TMEM178B: variants seen among roughly 807,000 people sequenced by gnomAD.
The protein encoded by TMEM178B is transmembrane protein 178B.
In TMEM178B, 5 loss-of-function variants were observed where a neutral mutation model predicts 31.0. That is an observed-to-expected ratio of 0.16 (90% CI 0.08 to 0.34). The LOEUF (loss-of-function observed/expected upper bound fraction) is 0.34. Ranked by LOEUF, TMEM178B falls within the 10% of genes least tolerant of loss-of-function variation. The probability of loss-of-function intolerance (pLI) is 1.00; values close to 1 mark genes in which losing one functional copy is unlikely to be tolerated. For synonymous variants in TMEM178B, 164 were observed against 164.0 expected (o/e 1.00, Z 0.00); for missense variants, 275 against 400.3 (o/e 0.69, Z 2.67).
chr7:141,135,995 T>C (rs1487578791), intron 1 of TMEM178B, among the ~76,000 whole-genome samples: 1 of 151,796 alleles, frequency 6.6e-6, no homozygotes, highest in Non-Finnish European at 1.5e-5. Flanking sequence ...AGAAGACCCA[T>C]ATAAATAAAA....
chr7:141,480,755 G>A (rs1802461579), downstream of TMEM178B, among the ~76,000 whole-genome samples: 1 of 152,186 alleles, frequency 6.6e-6, no homozygotes, highest in Non-Finnish European at 1.5e-5. Context: ...TCCCAGTGAA[G>A]AGAGAAATTT....
the TMEM178B span, among the ~76,000 whole-genome samples, chr7:141,501,001 T>C: frequency 1.4e-3 from 214 of 152,330 alleles, no homozygotes; most frequent in Non-Finnish European, 2.7e-3. Context: ...ATGTATTTTA[T>C]CCGTGTTGAA....
At chr7:141,301,037 ACTGC>A (rs1798715980) in intron 2 of TMEM178B, among the ~76,000 whole-genome samples, 1 of 152,082 alleles carries the variant, frequency 6.6e-6, no homozygotes, top group Non-Finnish European at 1.5e-5. Context: ...GTACTTCCCA[ACTGC>A]AGAGGAACAC....
intron 2 of TMEM178B, among the ~76,000 whole-genome samples, chr7:141,397,695 T>A (rs929512030): frequency 1.3e-5 from 2 of 152,194 alleles, no homozygotes; most frequent in African/African-American, 4.8e-5. Context: ...TGCCCCTGAT[T>A]TTCTCACCCC....
chr7:141,313,788 C>T (rs1188810753), intron 2 of TMEM178B, among the ~76,000 whole-genome samples: 1 of 151,388 alleles, frequency 6.6e-6, no homozygotes, highest in Non-Finnish European at 1.5e-5. Flanking sequence ...TAAAAAAATT[C>T]TGCATTTGCA....
chr7:141,238,241 C>G (rs914554712), intron 2 of TMEM178B, among the ~76,000 whole-genome samples: 3 of 151,954 alleles, frequency 2.0e-5, no homozygotes, highest in Non-Finnish European at 4.4e-5. Context: ...TACCCTGAAG[C>G]CCAGGAGTTA....
At position 141,437,726 on chromosome 7, in the gene TMEM178B, G is replaced by C. The variant is rs757569092; in HGVS notation, c.615G>C (p.Gly205=). The stretch of plus-strand genomic sequence containing the variant: ...GAGGCCTTATGCAGTACGTGGCAGG[G>C]CTGCTCTTCCTCATGGGAGGTAAGG... ...WDRGLMQYVA[G]LLFLMGGTFC... The change falls in exon 3 of 4, where the codon GGG becomes GGC. Residue 205 remains glycine, a synonymous_variant. Transcript: ENST00000565468. 1.0e-5 allele frequency: 16 copies of C among 1,536,106 alleles called. No homozygotes were observed. The highest frequency in any genetic ancestry group is 1.4e-5 in the Non-Finnish European group (16 of 1,146,912).
chr7:141,213,703 A>G (rs576498086), intron 2 of TMEM178B, among the ~76,000 whole-genome samples: 90 of 152,348 alleles, frequency 5.9e-4, no homozygotes, highest in African/African-American at 2.1e-3. Context: ...TAGGCCCACC[A>G]GGTGTATTCT....
intron 1 of TMEM178B, among the ~76,000 whole-genome samples, chr7:141,113,452 C>G (rs1001311473): frequency 1.3e-5 from 2 of 152,210 alleles, no homozygotes; most frequent in African/African-American, 4.8e-5. Flanking sequence ...CAGGTGAGGG[C>G]ATTGCACAGC....
At chr7:141,400,705 G>A (rs564281313) in intron 2 of TMEM178B, among the ~76,000 whole-genome samples, 6 of 152,330 alleles carry the variant, frequency 3.9e-5, no homozygotes, top group South Asian at 4.1e-4. Flanking sequence ...CCTGCTCTTC[G>A]TGGGTTGTAG....
At chr7:141,281,159 G>GT (rs1021735175) in intron 2 of TMEM178B, among the ~76,000 whole-genome samples, 5 of 152,078 alleles carry the variant, frequency 3.3e-5, no homozygotes, top group African/African-American at 1.2e-4. Flanking sequence ...CCAGCTATTA[G>GT]TATTAGTTTA....
At chr7:141,396,597 A>G (rs1169049247) in intron 2 of TMEM178B, among the ~76,000 whole-genome samples, 2 of 152,192 alleles carry the variant, frequency 1.3e-5, no homozygotes, top group African/African-American at 2.4e-5. Context: ...TGGGCTGACC[A>G]CTGCCTTTCT....
At chr7:141,197,674 C>T (rs1422488185) in intron 1 of TMEM178B, among the ~76,000 whole-genome samples, 1 of 152,034 alleles carries the variant, frequency 6.6e-6, no homozygotes, top group Admixed American at 6.6e-5. Context: ...ACTGTCTTGC[C>T]TAGGCTGGAG....
At chr7:141,262,752 G>C (rs927354835) in intron 2 of TMEM178B, among the ~76,000 whole-genome samples, 1 of 151,984 alleles carries the variant, frequency 6.6e-6, no homozygotes, top group African/African-American at 2.4e-5. Flanking sequence ...CAAATATTAG[G>C]CGTAAGTGAC....
intron 2 of TMEM178B, among the ~76,000 whole-genome samples, chr7:141,231,513 C>A (rs556603702): frequency 6.6e-6 from 1 of 152,252 alleles, no homozygotes; most frequent in African/African-American, 2.4e-5. Context: ...AAAATAATTC[C>A]GCACCCAGTG....
At chr7:141,327,149 T>G (rs924793096) in intron 2 of TMEM178B, among the ~76,000 whole-genome samples, 1 of 152,186 alleles carries the variant, frequency 6.6e-6, no homozygotes, top group Non-Finnish European at 1.5e-5. Flanking sequence ...CTTTTACTAT[T>G]CCTAAATTGG....
chr7:141,168,840 T>C (rs10271398), intron 1 of TMEM178B, among the ~76,000 whole-genome samples: 10,755 of 152,280 alleles, frequency 0.071, 502 homozygotes, highest in East Asian at 0.16. Flanking sequence ...TGTTTCTTTT[T>C]AATTTTTATC....
chr7:141,337,296 C>T (rs1448540654), intron 2 of TMEM178B, among the ~76,000 whole-genome samples: 1 of 145,144 alleles, frequency 6.9e-6, no homozygotes, highest in African/African-American at 2.6e-5. Flanking sequence ...CCACCATCCC[C>T]ATCACCACCA....
At chr7:141,427,942 TATACAAAA>T (rs1487302119) in intron 2 of TMEM178B, among the ~76,000 whole-genome samples, 16 of 152,148 alleles carry the variant, frequency 1.1e-4, no homozygotes, top group Non-Finnish European at 2.2e-4. Context: ...CCAACAGGTA[TATACAAAA>T]ATGCTCAATA....
Sources: allele counts gnomAD v4.1 joint callset (sites outside exome capture counted in the v4.1 genomes callset), GRCh38; gene constraint gnomAD v4.1.1; transcripts MANE v1.5; gene names NCBI Gene and HGNC (gene_info 2026-07-23, HGNC 2026-07-21).